Variants in LY75 observed in about 807,000 individuals in gnomAD.
LY75 encodes lymphocyte antigen 75.
Under a neutral mutation model 231.7 loss-of-function variants are expected in LY75, and 185 were observed. That is an observed-to-expected ratio of 0.80 (90% CI 0.71 to 0.90). The LOEUF is 0.90. Among genes scored for constraint, LY75 ranks in the 40% least tolerant of loss-of-function variants. The pLI is 0.00. For missense variants in LY75, 1,947 were observed against 2,050.2 expected (o/e 0.95, Z 0.97); for synonymous variants, 668 against 689.0 (o/e 0.97, Z 0.48).
intron 33 of LY75, chr2:159,807,764 A>C: frequency 1.1e-6 from 1 of 947,376 alleles, no homozygotes; most frequent in Non-Finnish European, 1.3e-6. Flanking sequence ...TCAACTTTGC[A>C]TAAAATGTGA....
intron 13 of LY75, among the ~76,000 whole-genome samples, chr2:159,866,698 C>G (rs763379202): frequency 1.2e-4 from 18 of 152,310 alleles, no homozygotes; most frequent in Middle Eastern, 3.4e-3. Flanking sequence ...AATAGAGAGG[C>G]AGTTAAGTTT....
At chr2:159,851,769 T>A (rs1684409105) in intron 21 of LY75, among the ~76,000 whole-genome samples, 1 of 152,210 alleles carries the variant, frequency 6.6e-6, no homozygotes, top group Non-Finnish European at 1.5e-5. Context: ...TTTTGTAGCA[T>A]GTGTGTAGTC....
At chr2:159,858,319 T>C (rs753816933) in intron 16 of LY75, 43 bp downstream of exon 16, 4 of 1,596,836 alleles carry the variant, frequency 2.5e-6, no homozygotes, top group South Asian at 1.1e-5. Flanking sequence ...GCATTCACAA[T>C]GTTAACATGA....
At chr2:159,887,081 A>G (rs1685608248) in intron 4 of LY75, among the ~76,000 whole-genome samples, 1 of 150,430 alleles carries the variant, frequency 6.6e-6, no homozygotes, top group Non-Finnish European at 1.5e-5. Flanking sequence ...AGAAATATGT[A>G]TAGGAGCTGT....
At position 159,805,230 on chromosome 2, in the gene LY75, A is replaced by G; in HGVS notation, c.4991-8T>C. On this transcript the variant is annotated splice_polypyrimidine_tract_variant and splice_region_variant and intron_variant, in intron 34 of 34. Transcript: ENST00000263636. Reference sequence around the variant, plus strand: ...TTGCTGTGTAATCAGGGCCTGGAACAGGAAAAGGTTTGATGTTGGAGGAGA... The same window carrying G: ...TTGCTGTGTAATCAGGGCCTGGAACGGGAAAAGGTTTGATGTTGGAGGAGA... 1 of 1,611,646 alleles carries G rather than the reference A, an allele frequency of 6.2e-7. No homozygotes were observed. Among genetic ancestry groups the G allele is most frequent in the Middle Eastern group, 1.7e-4 (1 of 6,046 alleles).
At position 159,835,698 on chromosome 2, in the gene LY75, T is replaced by C. The variant is rs1196169546; in HGVS notation, c.3508-53A>G. The C allele has an allele frequency of 1.9e-6, 3 of 1,583,350 alleles. No homozygotes were observed. In the East Asian group the frequency reaches 6.8e-5, roughly 36 times the overall value. On this transcript the variant is annotated intron_variant, in intron 25 of 34. Coordinates refer to ENST00000263636, the MANE Select transcript of LY75 (RefSeq NM_002349.4). ...TGGCAATATTGATGTTAACCCTTTG[T>C]ATTATTTTGACTCCCATGGTCAATC...
At chr2:159,887,427 G>A (rs1275485536) in intron 4 of LY75, among the ~76,000 whole-genome samples, 4 of 151,634 alleles carry the variant, frequency 2.6e-5, no homozygotes, top group East Asian at 1.9e-4. Context: ...GTGTGGTGGC[G>A]TGTGCCTGTA....
At chr2:159,880,189 G>C (rs774723391) in intron 8 of LY75, among the ~76,000 whole-genome samples, 3 of 152,014 alleles carry the variant, frequency 2.0e-5, no homozygotes, top group Non-Finnish European at 2.9e-5. Context: ...AACCAATTAG[G>C]GGTCCACAGG....
At chr2:159,841,019 A>T (rs1001794170) in intron 24 of LY75, 64 bp from the exon 25 acceptor site, 22 of 1,579,008 alleles carry the variant, frequency 1.4e-5, no homozygotes, top group African/African-American at 6.8e-5. Flanking sequence ...GTTATGGGAC[A>T]TTTTTTTCAC....
At position 159,808,516 on chromosome 2, in the gene LY75, G is replaced by T; in HGVS notation, c.4755C>A (p.Ser1585Arg). The change falls in exon 33 of 35, where the codon AGC (serine) becomes AGA (arginine). Residue 1585 changes from serine (S) to arginine (R), a missense_variant. Coordinates refer to ENST00000263636, the MANE Select transcript of LY75 (RefSeq NM_002349.4). ...TGTTATTATTTTCCCTCATCAGTCTGCTCACAAATTTATTCTCATCTTCAT... is the reference window on the plus strand; with the variant it reads ...TGTTATTATTTTCCCTCATCAGTCTTCTCACAAATTTATTCTCATCTTCAT... ...IKDEDENKFV[S>R]RLMRENNNIT... The T allele has an allele frequency of 6.2e-7, 1 of 1,613,822 alleles. No homozygotes were observed. Among genetic ancestry groups the T allele is most frequent in the Non-Finnish European group, 8.5e-7 (1 of 1,179,968 alleles).
At chr2:159,845,253 T>G (rs1021568401) in intron 23 of LY75, among the ~76,000 whole-genome samples, 1 of 152,148 alleles carries the variant, frequency 6.6e-6, no homozygotes, top group African/African-American at 2.4e-5. Flanking sequence ...TTTTAAAATT[T>G]TAACTATTTG....
intron 13 of LY75, among the ~76,000 whole-genome samples, chr2:159,867,830 C>T (rs1469804838): frequency 6.6e-6 from 1 of 152,182 alleles, no homozygotes; most frequent in African/African-American, 2.4e-5. Flanking sequence ...CCCTGTTGGG[C>T]TGCCATTAAG....
chr2:159,894,566 C>T (rs545787865), intron 2 of LY75, among the ~76,000 whole-genome samples: 1 of 152,168 alleles, frequency 6.6e-6, no homozygotes, highest in Non-Finnish European at 1.5e-5. Context: ...TTGGAACCAC[C>T]TGCGGCATTA....
intron 23 of LY75, among the ~76,000 whole-genome samples, chr2:159,842,905 C>T (rs1684082975): frequency 6.6e-6 from 1 of 151,394 alleles, no homozygotes; most frequent in Admixed American, 6.6e-5. Flanking sequence ...ATGTTTGAAA[C>T]ATATCACACT....
intron 31 of LY75, among the ~76,000 whole-genome samples, chr2:159,811,629 A>G (rs1217485029): frequency 2.0e-5 from 3 of 152,126 alleles, no homozygotes; most frequent in African/African-American, 7.2e-5. Context: ...TTTTTTCTCC[A>G]AATCTCCACT....
At chr2:159,831,165 G>C (rs1385814242) in intron 28 of LY75, among the ~76,000 whole-genome samples, 4 of 152,144 alleles carry the variant, frequency 2.6e-5, no homozygotes, top group Non-Finnish European at 4.4e-5. Flanking sequence ...TTGGAGGAGG[G>C]GCCTGGTGGG....
chr2:159,810,408 G>T, intron 32 of LY75, 118 bp downstream of exon 32: 1 of 1,372,210 alleles, frequency 7.3e-7, no homozygotes, highest in Non-Finnish European at 9.8e-7. Flanking sequence ...AGCGCTATTA[G>T]AAATGGAAAG....
rs116281689 is a variant in LY75 at position 159,836,794 on chromosome 2, C to T, written c.3508-1149G>A. On this transcript the variant is annotated intron_variant, in intron 25 of 34. Coordinates refer to ENST00000263636, the MANE Select transcript of LY75 (RefSeq NM_002349.4). ...CACTGTGGCCTCCAGTGTGGCCCTT[C>T]GGCCATGCGACTTTGCCTGCACTCA... is the stretch of plus-strand genomic sequence containing the variant. Among the ~76,000 whole-genome samples, 867 of 152,304 alleles carry T rather than the reference C, an allele frequency of 5.7e-3. 6 individuals carry two copies. Among genetic ancestry groups the T allele is most frequent in the Non-Finnish European group, 9.9e-3 (675 of 68,010 alleles).
chr2:159,821,541 A>C (rs1411765879), intron 28 of LY75, among the ~76,000 whole-genome samples: 1 of 150,910 alleles, frequency 6.6e-6, no homozygotes, highest in Non-Finnish European at 1.5e-5. Context: ...GCTTGAACCT[A>C]GGAGGCAGAG....
Sources: allele counts gnomAD v4.1 joint callset (sites outside exome capture counted in the v4.1 genomes callset), GRCh38; gene constraint gnomAD v4.1.1; transcripts MANE v1.5; gene names NCBI Gene and HGNC (gene_info 2026-07-23, HGNC 2026-07-21).